Variants in OR4K17 observed in about 807,000 individuals in gnomAD.
OR4K17 encodes the protein olfactory receptor family 4 subfamily K member 17, also known as olfactory receptor 4K17.
For missense variants in OR4K17, 480 were observed against 366.3 expected (o/e 1.31, Z -2.53); for synonymous variants, 157 against 132.8 (o/e 1.18, Z -1.25).
chr14:20,111,606 T>G (rs1877884915), intron 1 of OR4K17, among the ~76,000 whole-genome samples: 1 of 152,038 alleles, frequency 6.6e-6, no homozygotes, highest in Non-Finnish European at 1.5e-5. Flanking sequence ...CAGCTCTATT[T>G]GGAGTTTTGC....
intron 1 of OR4K17, among the ~76,000 whole-genome samples, chr14:20,112,302 C>T (rs971208075): frequency 3.3e-5 from 5 of 152,036 alleles, no homozygotes; most frequent in Admixed American, 1.3e-4. Context: ...ATATCTTGGC[C>T]TCACACAGAT....
rs1267096906 is a variant in OR4K17 at position 20,118,633 on chromosome 14, G to C, written c.*195G>C. 2.2e-6 allele frequency: 1 copy of C among 445,952 alleles called. No individual in the cohort carries two copies. Among genetic ancestry groups the C allele is most frequent in the African/African-American group, 2.0e-5 (1 of 49,992 alleles). The allele number at this position is 445,952 out of a possible 1,614,324, so 27.6% of individuals were successfully genotyped here. A position where few individuals can be genotyped will look rare whatever the true frequency, so the allele number is the denominator to read the frequency against. ...AAATTTTAAAGCTGGGTGTCCAGGG[G>C]AGACATCACATGTCAGCGGGTTCCG... On this transcript the variant is annotated 3_prime_UTR_variant, in exon 2 of 2. Transcript: ENST00000641386.
intron 1 of OR4K17, among the ~76,000 whole-genome samples, chr14:20,113,346 G>A (rs1026060821): frequency 1.3e-5 from 2 of 151,816 alleles, no homozygotes; most frequent in Middle Eastern, 3.2e-3. Context: ...TCAAAAACTT[G>A]CAGTGATAAG....
At chr14:20,114,138 T>A (rs1324730429) in intron 1 of OR4K17, among the ~76,000 whole-genome samples, 1 of 151,974 alleles carries the variant, frequency 6.6e-6, no homozygotes, top group Non-Finnish European at 1.5e-5. Flanking sequence ...AAAATATTGG[T>A]ACTCTCAGGT....
At chr14:20,116,816 G>GAGT (rs1241668280) in intron 1 of OR4K17, among the ~76,000 whole-genome samples, 4 of 152,112 alleles carry the variant, frequency 2.6e-5, no homozygotes, top group Non-Finnish European at 5.9e-5. Context: ...AGGAGGCCAT[G>GAGT]AGTAGTAGCA....
chr14:20,116,874 G>A (rs1320836063), intron 1 of OR4K17, among the ~76,000 whole-genome samples: 6 of 152,120 alleles, frequency 3.9e-5, no homozygotes, highest in African/African-American at 7.2e-5. Context: ...TTCTAAGAGA[G>A]TTACAAGACT....
intron 1 of OR4K17, among the ~76,000 whole-genome samples, chr14:20,113,264 A>G (rs1186602897): frequency 6.6e-6 from 1 of 152,072 alleles, no homozygotes. Flanking sequence ...TAATTCAATC[A>G]TCCAACATTT....
Position 20,118,570 on chromosome 14 carries a change from C to A in OR4K17, c.*132C>A. 1.7e-6 allele frequency: 1 copy of A among 597,818 alleles called. No homozygotes were observed. The highest frequency in any genetic ancestry group is 2.9e-6 in the Non-Finnish European group (1 of 346,710). 37.0% of individuals were successfully genotyped at this position (597,818 alleles called of 1,614,324 possible). A position where few individuals can be genotyped will look rare whatever the true frequency, so the allele number is the denominator to read the frequency against. ...CTTTTCTATTTTCCCTAAGTGTTGACTGGTCTGAGAAATAAAGGGAAAGAA... is the reference window on the plus strand; with the variant it reads ...CTTTTCTATTTTCCCTAAGTGTTGAATGGTCTGAGAAATAAAGGGAAAGAA... On this transcript the variant is annotated 3_prime_UTR_variant, in exon 2 of 2. Coordinates refer to ENST00000641386, the MANE Select transcript of OR4K17 (RefSeq NM_001004715.5).
intron 1 of OR4K17, 93 bp from the exon 2 acceptor site, chr14:20,117,375 A>T: frequency 6.8e-7 from 1 of 1,461,870 alleles, no homozygotes; most frequent in East Asian, 2.3e-5. Flanking sequence ...TTATTGAAAG[A>T]TCCAAAGGAA....
chr14:20,115,429 G>A (rs1877967695), intron 1 of OR4K17, among the ~76,000 whole-genome samples: 1 of 151,944 alleles, frequency 6.6e-6, no homozygotes. Flanking sequence ...TTAAAATAAT[G>A]TAAATATTTT....
chr14:20,117,305 C>T, intron 1 of OR4K17, 163 bp from the exon 2 acceptor site: 2 of 788,734 alleles, frequency 2.5e-6, no homozygotes, highest in Non-Finnish European at 2.0e-6. Context: ...GTGGACAGCT[C>T]AGACTATACG....
Position 20,118,541 on chromosome 14 carries a change from G to C in OR4K17, c.*103G>C. The C allele has an allele frequency of 3.0e-6, 2 of 658,198 alleles. No individual in the cohort carries two copies. The highest frequency in any genetic ancestry group is 2.0e-5 in the South Asian group (1 of 49,196). The allele number at this position is 658,198 out of a possible 1,614,324, so 40.8% of individuals were successfully genotyped here. On this transcript the variant is annotated 3_prime_UTR_variant, in exon 2 of 2. Coordinates refer to ENST00000641386, the MANE Select transcript of OR4K17 (RefSeq NM_001004715.5). ...AACCAGCCCCCAATATTTCAACATA[G>C]GTTCTTTTCTATTTTCCCTAAGTGT...
chr14:20,110,921 A>T (rs989102177), intron 1 of OR4K17, 29 bp downstream of exon 1: 1 of 152,030 alleles, frequency 6.6e-6, no homozygotes, highest in Non-Finnish European at 1.5e-5. Flanking sequence ...TGACATTATA[A>T]AGCCAATGTA....
intron 1 of OR4K17, among the ~76,000 whole-genome samples, chr14:20,113,907 TGA>T (rs927916047): frequency 5.1e-4 from 78 of 152,092 alleles, no homozygotes; most frequent in African/African-American, 1.8e-3. Context: ...TTCAAACAAG[TGA>T]GATCCCTAAA....
intron 1 of OR4K17, among the ~76,000 whole-genome samples, chr14:20,113,654 A>C (rs1022050088): frequency 1.3e-5 from 2 of 152,050 alleles, no homozygotes; most frequent in Non-Finnish European, 2.9e-5. Flanking sequence ...AGTGGACTAT[A>C]ATGGTACAGA....
At chr14:20,114,796 A>G (rs1038540561) in intron 1 of OR4K17, among the ~76,000 whole-genome samples, 2 of 151,872 alleles carry the variant, frequency 1.3e-5, no homozygotes, top group African/African-American at 4.8e-5. Flanking sequence ...TGCTTCCACC[A>G]CTCATCACTA....
chr14:20,118,077 AT>A lies in OR4K17; in HGVS notation c.582del (p.Phe194LeufsTer4). On this transcript the variant is annotated frameshift_variant, in exon 2 of 2. Transcript: ENST00000641386. LOFTEE classifies it low-confidence loss of function (END_TRUNC). Reference protein sequence around the residue: ...LVTKLACIDIYFVQVVIVANS... With the variant: ...LVTKLACIDIXFVQVVIVANS... ...ACTAAGCTTGCCTGTATAGACATAT[AT>A]TTTGTACAGGTAGTCATTGTTGCCA... is the stretch of plus-strand genomic sequence containing the variant. 6.2e-7 allele frequency: 1 copy of A among 1,614,042 alleles called. No individual in the cohort carries two copies. The highest frequency in any genetic ancestry group is 8.5e-7 in the Non-Finnish European group (1 of 1,179,956).
rs766370730 is a variant in OR4K17, at chr14:20,121,873, C to A, written c.*3435C>A. 2.0e-5 allele frequency: 3 copies of A among 151,946 alleles called. No homozygotes were observed. The highest frequency in any genetic ancestry group is 4.4e-5 in the Non-Finnish European group (3 of 67,920). 9.4% of individuals were successfully genotyped at this position (151,946 alleles called of 1,614,324 possible). A position where few individuals can be genotyped will look rare whatever the true frequency, so the allele number is the denominator to read the frequency against. On this transcript the variant is annotated 3_prime_UTR_variant, in exon 2 of 2. Transcript: ENST00000641386. ...CTATCAAAAATAAATAAATAAATAA[C>A]AGCACAACAATAAAAATAATACAAA...
In OR4K17 at chr14:20,118,471, TG is replaced by T. The variant is rs773149542; in HGVS notation, c.*35del. Reference sequence around the variant, plus strand: ...ATATAATGGTAGAGGCCGGGCATGGTGGCTGATGCCTGTAATCCCCACACTT... The same window carrying T: ...ATATAATGGTAGAGGCCGGGCATGGTGCTGATGCCTGTAATCCCCACACTT... On this transcript the variant is annotated 3_prime_UTR_variant, in exon 2 of 2. Coordinates refer to ENST00000641386, the MANE Select transcript of OR4K17 (RefSeq NM_001004715.5). 2 of 1,308,840 alleles carry T rather than the reference TG, an allele frequency of 1.5e-6. No homozygotes were observed. The allele number at this position is 1,308,840 out of a possible 1,614,324, so 81.1% of individuals were successfully genotyped here. A position where few individuals can be genotyped will look rare whatever the true frequency, so the allele number is the denominator to read the frequency against.
Sources: allele counts gnomAD v4.1 joint callset (sites outside exome capture counted in the v4.1 genomes callset), GRCh38; gene constraint gnomAD v4.1.1; transcripts MANE v1.5; gene names NCBI Gene and HGNC (gene_info 2026-07-23, HGNC 2026-07-21).